Variants in DHRSX observed in about 807,000 individuals in gnomAD.
DHRSX encodes polyprenol dehydrogenase.
Under a neutral mutation model 34.0 loss-of-function variants are expected in DHRSX, and 31 were observed. The ratio of observed to expected loss-of-function variants is 0.91; its 90% confidence interval spans 0.69 to 1.23. The LOEUF is 1.23. Ranked by LOEUF, DHRSX falls within the 50% of genes most tolerant of loss-of-function variation. The pLI is 0.00. For missense variants in DHRSX, 414 were observed against 428.1 expected (o/e 0.97, Z 0.29); for synonymous variants, 201 against 183.8 (o/e 1.09, Z -0.76).
intron 3 of DHRSX, among the ~76,000 whole-genome samples, chrX:2,319,566 C>T (rs1043291379): frequency 3.5e-5 from 5 of 141,056 alleles, no homozygotes; most frequent in Admixed American, 2.8e-4. Context: ...AAAAAGAGAA[C>T]GAAGACCTTT....
intron 4 of DHRSX, among the ~76,000 whole-genome samples, chrX:2,276,677 C>T (rs1343773267): frequency 2.6e-5 from 4 of 151,046 alleles, no homozygotes; most frequent in Admixed American, 1.3e-4. Context: ...GAGAGTTCTC[C>T]GCTCTCCAAG....
At chrX:2,286,290 C>T (rs2041804597) in intron 4 of DHRSX, among the ~76,000 whole-genome samples, 1 of 151,860 alleles carries the variant, frequency 6.6e-6, no homozygotes, top group Non-Finnish European at 1.5e-5. Context: ...GTCATTTGCA[C>T]ACCATGAAGA....
At chrX:2,234,674 G>A (rs2124414813) in intron 6 of DHRSX, among the ~76,000 whole-genome samples, 1 of 152,290 alleles carries the variant, frequency 6.6e-6, no homozygotes. Context: ...GCAGTGACAT[G>A]GACAAACACT....
chrX:2,391,996 C>T (rs2043340718), intron 3 of DHRSX, among the ~76,000 whole-genome samples: 1 of 152,116 alleles, frequency 6.6e-6, no homozygotes, highest in South Asian at 2.1e-4. Context: ...CAGTCCAAGG[C>T]GATCCATGGG....
intron 1 of DHRSX, among the ~76,000 whole-genome samples, chrX:2,434,664 C>T (rs1323206413): frequency 6.6e-6 from 1 of 152,210 alleles, no homozygotes. Flanking sequence ...GAGCAAGACG[C>T]TGTCTCTTTA....
At chrX:2,232,054 C>T (rs1365847369) in intron 6 of DHRSX, among the ~76,000 whole-genome samples, 1 of 85,166 alleles carries the variant, frequency 1.2e-5, no homozygotes, top group African/African-American at 4.1e-5. Context: ...TCTTTCTATC[C>T]CTCTGTCTTC....
chrX:2,441,342 A>C (rs1211405232), intron 1 of DHRSX, among the ~76,000 whole-genome samples: 1 of 152,150 alleles, frequency 6.6e-6, no homozygotes, highest in Admixed American at 6.6e-5. Flanking sequence ...ACGTGTCTTC[A>C]AGTCTGAAAG....
chrX:2,254,721 A>G lies in DHRSX; in HGVS notation c.597-11491T>C, dbSNP rs773993915. ...GAGTGCAGTGGTGCGATCTCGGCTC[A>G]CTGCAATCTCCGCCTCCCGGATTCA... On this transcript the variant is annotated intron_variant, in intron 5 of 6. Transcript: ENST00000334651. 5.9e-5 allele frequency among the ~76,000 whole-genome samples: 9 copies of G among 151,418 alleles called. No homozygotes were observed. In the East Asian group the frequency reaches 1.7e-3, roughly 29 times the overall value.
intron 1 of DHRSX, among the ~76,000 whole-genome samples, chrX:2,432,706 A>T (rs1030678096): frequency 5.3e-5 from 8 of 152,256 alleles, no homozygotes; most frequent in Non-Finnish European, 1.0e-4. Flanking sequence ...GCAAAAACAA[A>T]GTTAAACCAT....
chrX:2,437,696 A>AGT (rs1321073330), intron 1 of DHRSX, among the ~76,000 whole-genome samples: 164 of 92,306 alleles, frequency 1.8e-3, no homozygotes, highest in African/African-American at 4.9e-3. Flanking sequence ...AGAGAGAGAG[A>AGT]GAGTGTGTGT....
At chrX:2,415,708 A>G (rs1172664874) in intron 2 of DHRSX, among the ~76,000 whole-genome samples, 1 of 151,292 alleles carries the variant, frequency 6.6e-6, no homozygotes, top group Non-Finnish European at 1.5e-5. Flanking sequence ...ACTGAATATG[A>G]CTAGATCTCA....
chrX:2,340,791 T>G (rs1465628711), intron 3 of DHRSX, among the ~76,000 whole-genome samples: 1 of 152,016 alleles, frequency 6.6e-6, no homozygotes, highest in Non-Finnish European at 1.5e-5. Flanking sequence ...ATCAGACAAC[T>G]GGCAAATCAG....
At chrX:2,252,943 G>C (rs1298377871) in intron 5 of DHRSX, among the ~76,000 whole-genome samples, 2 of 101,076 alleles carry the variant, frequency 2.0e-5, no homozygotes, top group Admixed American at 2.1e-4. Flanking sequence ...TGAGCACTTA[G>C]GGGACACTAA....
At chrX:2,402,556 G>A (rs758089069) in intron 3 of DHRSX, among the ~76,000 whole-genome samples, 2 of 152,346 alleles carry the variant, frequency 1.3e-5, no homozygotes, top group Non-Finnish European at 2.9e-5. Flanking sequence ...CTCAGTCGAG[G>A]TAAAGGCTCA....
intron 6 of DHRSX, among the ~76,000 whole-genome samples, chrX:2,237,063 G>C (rs1459506934): frequency 2.0e-5 from 3 of 151,924 alleles, no homozygotes; most frequent in Admixed American, 2.0e-4. Context: ...CTGGGAGGTA[G>C]CTGAGGTCCC....
chrX:2,309,073 C>T (rs1352674765), intron 3 of DHRSX, among the ~76,000 whole-genome samples: 1 of 151,816 alleles, frequency 6.6e-6, no homozygotes, highest in African/African-American at 2.4e-5. Flanking sequence ...GTGAAAATCT[C>T]GAGGAAATAA....
intron 1 of DHRSX, among the ~76,000 whole-genome samples, chrX:2,466,268 G>A (rs1227652731): frequency 2.0e-5 from 3 of 152,038 alleles, no homozygotes; most frequent in African/African-American, 4.8e-5. Context: ...GAGAAGCCCC[G>A]TCTCTACTAA....
At chrX:2,237,997 C>T (rs1023108890) in intron 6 of DHRSX, among the ~76,000 whole-genome samples, 21 of 152,082 alleles carry the variant, frequency 1.4e-4, no homozygotes, top group South Asian at 1.0e-3. Context: ...TACTCTCCTA[C>T]GGAGGCTGAG....
At chrX:2,332,415 G>A (rs1359906535) in intron 3 of DHRSX, among the ~76,000 whole-genome samples, 4 of 152,214 alleles carry the variant, frequency 2.6e-5, no homozygotes, top group Non-Finnish European at 5.9e-5. Flanking sequence ...TGAAATCAGC[G>A]TGTTAATTGG....
Sources: gnomAD v4.1 joint callset for allele counts (sites outside exome capture counted in the v4.1 genomes callset) on GRCh38, gnomAD v4.1.1 for gene constraint, MANE v1.5 for transcripts, NCBI Gene and HGNC (gene_info 2026-07-23, HGNC 2026-07-21) for gene names.